Variants in OSBPL1A observed in about 807,000 individuals in gnomAD.
OSBPL1A encodes oxysterol binding protein like 1A, also known as oxysterol-binding protein-related protein 1.
Under a neutral mutation model 137.1 loss-of-function variants are expected in OSBPL1A, and 80 were observed. The observed-to-expected ratio is 0.58, with a 90% CI of 0.49 to 0.70. The LOEUF (loss-of-function observed/expected upper bound fraction) is 0.70, where lower values mean the gene tolerates loss of function less well. Ranked by LOEUF, OSBPL1A falls within the 30% of genes least tolerant of loss-of-function variation. The pLI is 0.00. For missense variants in OSBPL1A, 970 were observed against 1,129.4 expected (o/e 0.86, Z 2.02); for synonymous variants, 365 against 389.7 (o/e 0.94, Z 0.75).
In OSBPL1A at chr18:24,163,102, A is replaced by T; in HGVS notation, c.*77T>A. The T allele has an allele frequency of 9.1e-7, 1 of 1,094,506 alleles. No individual in the cohort carries two copies. 67.8% of individuals were successfully genotyped at this position (1,094,506 alleles called of 1,614,324 possible). A position where few individuals can be genotyped will look rare whatever the true frequency, so the allele number is the denominator to read the frequency against. The stretch of plus-strand genomic sequence containing the variant: ...TTTTTTTTTTAAAAGATAAGTAGAA[A>T]CCAAGGGAAAAAAATTTAAAAACAT... On this transcript the variant is annotated 3_prime_UTR_variant, in exon 28 of 28. Transcript: ENST00000319481.
At position 24,271,898 on chromosome 18, in the gene OSBPL1A, C is replaced by T; in HGVS notation, c.1281+8944G>A. ...GCCCAGGACTCCCGCGCCGCGCCCG[C>T]CCGGGCCGCAGAGGTCTGCGCTGCC... On this transcript the variant is annotated intron_variant, in intron 15 of 27. Coordinates refer to ENST00000319481, the MANE Select transcript of OSBPL1A (RefSeq NM_080597.4). The surrounding 1 kb of genome is among the most constrained non-coding windows in gnomAD (Gnocchi z 4.0). The T allele has an allele frequency of 1.0e-6, 1 of 984,540 alleles. No homozygotes were observed. The highest frequency in any genetic ancestry group is 1.2e-6 in the Non-Finnish European group (1 of 829,716). The allele number at this position is 984,540 out of a possible 1,614,324, so 61.0% of individuals were successfully genotyped here.
intron 1 of OSBPL1A, among the ~76,000 whole-genome samples, chr18:24,383,637 C>T (rs1235528101): frequency 6.6e-6 from 1 of 152,072 alleles, no homozygotes; most frequent in Non-Finnish European, 1.5e-5. Context: ...ACCTGTAGTC[C>T]CAGCTACTCG....
At chr18:24,275,563 G>C (rs1320633711) in intron 15 of OSBPL1A, among the ~76,000 whole-genome samples, 1 of 152,142 alleles carries the variant, frequency 6.6e-6, no homozygotes, top group African/African-American at 2.4e-5. Context: ...GAAATGAATG[G>C]AAGAGATCAT....
chr18:24,264,509 T>A (rs1024658199), intron 15 of OSBPL1A, among the ~76,000 whole-genome samples: 6 of 152,132 alleles, frequency 3.9e-5, no homozygotes, highest in African/African-American at 1.4e-4. Flanking sequence ...GACAGGCCAG[T>A]TTAACATTAA....
At position 24,304,474 on chromosome 18, in the gene OSBPL1A, T is replaced by A. The variant is rs566327733; in HGVS notation, c.1093-756A>T. Among the ~76,000 whole-genome samples, 5 of 152,326 alleles carry A rather than the reference T, an allele frequency of 3.3e-5. No homozygotes were observed. The South Asian group carries it at 1.0e-3, about 32-fold the overall frequency. ...AGGCAGTTTTATATATCATTTCCCT[T>A]TAAAGAGGTGGGAAGAATAAGCAAG... On this transcript the variant is annotated intron_variant, in intron 13 of 27. Transcript: ENST00000319481.
intron 1 of OSBPL1A, among the ~76,000 whole-genome samples, chr18:24,390,886 G>C (rs1335221569): frequency 6.6e-6 from 1 of 151,720 alleles, no homozygotes; most frequent in Non-Finnish European, 1.5e-5. Context: ...GATCACCTAA[G>C]GTCAGGAGCT....
intron 18 of OSBPL1A, among the ~76,000 whole-genome samples, chr18:24,187,393 G>A (rs1251214141): frequency 6.6e-6 from 1 of 152,020 alleles, no homozygotes; most frequent in Non-Finnish European, 1.5e-5. Context: ...TGCCTTTTTT[G>A]TTATATATAT....
intron 7 of OSBPL1A, among the ~76,000 whole-genome samples, chr18:24,326,606 G>A (rs1331233215): frequency 2.0e-5 from 3 of 152,208 alleles, no homozygotes; most frequent in African/African-American, 4.8e-5. Flanking sequence ...ATCAGACCAC[G>A]CAGTGAGAGA....
intron 5 of OSBPL1A, among the ~76,000 whole-genome samples, chr18:24,337,338 A>T (rs1387754160): frequency 7.0e-6 from 1 of 143,086 alleles, no homozygotes; most frequent in Non-Finnish European, 1.5e-5. Flanking sequence ...CTATCAAAAT[A>T]AAATAAAATA....
intron 5 of OSBPL1A, among the ~76,000 whole-genome samples, chr18:24,339,323 G>GGTTA (rs1449885520): frequency 6.6e-6 from 1 of 152,088 alleles, no homozygotes. Flanking sequence ...ACTTATAGTG[G>GGTTA]GTTACTCAAG....
chr18:24,356,030 G>T (rs2146178736), intron 4 of OSBPL1A, among the ~76,000 whole-genome samples: 1 of 150,320 alleles, frequency 6.7e-6, no homozygotes, highest in Non-Finnish European at 1.5e-5. Context: ...AGAAAAATTA[G>T]CCAGGCATGG....
intron 2 of OSBPL1A, 25 bp from the exon 3 acceptor site, chr18:24,368,397 T>C: frequency 6.5e-7 from 1 of 1,536,264 alleles, no homozygotes; most frequent in South Asian, 1.1e-5. Context: ...ATATAAGGTA[T>C]TTTTAGGTCA....
At chr18:24,314,528 A>G (rs2090683086) in intron 11 of OSBPL1A, among the ~76,000 whole-genome samples, 181 bp from the exon 12 acceptor site, 1 of 152,342 alleles carries the variant, frequency 6.6e-6, no homozygotes, top group South Asian at 2.1e-4. Context: ...TGCACTGTAG[A>G]ACTATGTTGA....
At chr18:24,182,388 T>A (rs2086629895) in intron 18 of OSBPL1A, among the ~76,000 whole-genome samples, 1 of 152,222 alleles carries the variant, frequency 6.6e-6, no homozygotes, top group Admixed American at 6.5e-5. Context: ...ATTCTGACAA[T>A]CTTCCCAAAC....
intron 18 of OSBPL1A, among the ~76,000 whole-genome samples, chr18:24,188,136 C>T (rs960382193): frequency 2.6e-5 from 4 of 152,230 alleles, no homozygotes; most frequent in African/African-American, 9.6e-5. Flanking sequence ...AATAGATGGA[C>T]CAGGGATGAC....
chr18:24,314,653 G>A (rs566959046), intron 11 of OSBPL1A, among the ~76,000 whole-genome samples: 13 of 152,100 alleles, frequency 8.5e-5, no homozygotes, highest in South Asian at 8.3e-4. Flanking sequence ...TTATAAAATC[G>A]TTTAGCTACC....
chr18:24,245,102 T>A (rs2088844269), intron 15 of OSBPL1A, among the ~76,000 whole-genome samples: 1 of 152,188 alleles, frequency 6.6e-6, no homozygotes, highest in Admixed American at 6.5e-5. Context: ...TTAGAATTTT[T>A]TTTTTTTCTG....
chr18:24,303,555 A>G, intron 14 of OSBPL1A, 82 bp downstream of exon 14: 1 of 1,140,454 alleles, frequency 8.8e-7, no homozygotes, highest in Non-Finnish European at 1.3e-6. Flanking sequence ...AAAACTGTTT[A>G]AAAATGAAGT....
chr18:24,321,560 A>T (rs2090858251), intron 7 of OSBPL1A: 1 of 417,056 alleles, frequency 2.4e-6, no homozygotes, highest in Non-Finnish European at 4.7e-6. Context: ...GAGTGCTGGG[A>T]TTACAGGTGT....
Sources: allele counts gnomAD v4.1 joint callset (sites outside exome capture counted in the v4.1 genomes callset), GRCh38; gene constraint gnomAD v4.1.1; non-coding constraint Gnocchi (gnomAD v3.1); transcripts MANE v1.5; gene names NCBI Gene and HGNC (gene_info 2026-07-23, HGNC 2026-07-21).